The following SCMH1 variants were observed in gnomAD, a reference collection of about 807,000 sequenced individuals.
SCMH1 encodes the protein Scm polycomb group protein homolog 1.
Under a neutral mutation model 70.8 loss-of-function variants are expected in SCMH1, and 37 were observed. The ratio of observed to expected loss-of-function variants is 0.52; its 90% confidence interval spans 0.40 to 0.69. SCMH1 has a LOEUF of 0.69. SCMH1 is among the 30% of genes least tolerant of loss of function. The pLI is 0.00. For missense variants in SCMH1, 607 were observed against 827.3 expected (o/e 0.73, Z 3.27); for synonymous variants, 292 against 307.4 (o/e 0.95, Z 0.52).
chr1:41,174,801 A>T (rs1455086212), intron 2 of SCMH1, among the ~76,000 whole-genome samples: 1 of 152,196 alleles, frequency 6.6e-6, no homozygotes, highest in South Asian at 2.1e-4. Flanking sequence ...TATTGACTTT[A>T]TATCAATATT....
At chr1:41,234,765 C>T (rs551996328) in intron 1 of SCMH1, among the ~76,000 whole-genome samples, 28 of 151,846 alleles carry the variant, frequency 1.8e-4, no homozygotes, top group Middle Eastern at 3.2e-3. Context: ...TGAGCCACCG[C>T]GCCCGGCAAA....
At chr1:41,065,109 G>A (rs1221545573) in intron 10 of SCMH1, among the ~76,000 whole-genome samples, 1 of 152,172 alleles carries the variant, frequency 6.6e-6, no homozygotes, top group Admixed American at 6.5e-5. Context: ...AATTTTGTCA[G>A]GATGTCAGTT....
chr1:41,196,526 C>T (rs1653058569), intron 1 of SCMH1, among the ~76,000 whole-genome samples: 1 of 152,016 alleles, frequency 6.6e-6, no homozygotes, highest in Non-Finnish European at 1.5e-5. Flanking sequence ...TACCTTATAC[C>T]ATATACAAAA....
intron 7 of SCMH1, among the ~76,000 whole-genome samples, chr1:41,114,384 T>C (rs1451487025): frequency 6.6e-6 from 1 of 152,238 alleles, no homozygotes; most frequent in African/African-American, 2.4e-5. Context: ...TCTTACTATC[T>C]GATCCTGTAC....
intron 2 of SCMH1, among the ~76,000 whole-genome samples, chr1:41,182,765 GA>G (rs1238919819): frequency 1.3e-5 from 2 of 151,972 alleles, no homozygotes; most frequent in Non-Finnish European, 2.9e-5. Context: ...CTTCTAGGAA[GA>G]AATAGACTCT....
intron 1 of SCMH1, among the ~76,000 whole-genome samples, chr1:41,204,718 C>A (rs1191963033): frequency 6.6e-6 from 1 of 152,178 alleles, no homozygotes; most frequent in East Asian, 1.9e-4. Context: ...TTCTATCATA[C>A]CACTCTTAAT....
intron 10 of SCMH1, among the ~76,000 whole-genome samples, chr1:41,058,400 T>TTTTTTTTTTTTC (rs869062482): frequency 7.0e-6 from 1 of 142,428 alleles, no homozygotes; most frequent in Non-Finnish European, 1.5e-5. Flanking sequence ...TTTTTTTTTT[T>TTTTTTTTTTTTC]GAGACAGTCT....
At chr1:41,048,459 G>A (rs1459898777) in intron 11 of SCMH1, among the ~76,000 whole-genome samples, 1 of 152,270 alleles carries the variant, frequency 6.6e-6, no homozygotes, top group East Asian at 1.9e-4. Flanking sequence ...TAGATGGGGG[G>A]AATCAGTTTA....
chr1:41,103,042 T>C (rs1667012020), intron 8 of SCMH1, among the ~76,000 whole-genome samples: 1 of 152,166 alleles, frequency 6.6e-6, no homozygotes, highest in Non-Finnish European at 1.5e-5. Flanking sequence ...GTTTTGTTTT[T>C]TTTCTATTAA....
intron 1 of SCMH1, among the ~76,000 whole-genome samples, chr1:41,211,599 A>G (rs1023721438): frequency 3.3e-5 from 5 of 152,220 alleles, no homozygotes; most frequent in Admixed American, 3.3e-4. Context: ...ACTGTGGAAG[A>G]CAGTGTGGTG....
At chr1:41,030,816 G>C (rs1196491750) in intron 13 of SCMH1, among the ~76,000 whole-genome samples, 1 of 152,222 alleles carries the variant, frequency 6.6e-6, no homozygotes, top group African/African-American at 2.4e-5. Context: ...GTCTGCCACA[G>C]TAGATGTTCG....
Position 41,242,060 on chromosome 1 carries a change from T to G in SCMH1, c.-119A>C. 1 of 151,690 alleles carries G rather than the reference T, an allele frequency of 6.6e-6. No homozygotes were observed. The highest frequency in any genetic ancestry group is 1.8e-4 in the South Asian group (1 of 5,436). 9.4% of individuals were successfully genotyped at this position (151,690 alleles called of 1,614,324 possible). A position where few individuals can be genotyped will look rare whatever the true frequency, so the allele number is the denominator to read the frequency against. ...CGGAGGCGGCCGCGAGGCGCTTACCTGAGGGCGCGGCGGGGGCGCGGGGCG... is the reference window on the plus strand; with the variant it reads ...CGGAGGCGGCCGCGAGGCGCTTACCGGAGGGCGCGGCGGGGGCGCGGGGCG... On this transcript the variant is annotated splice_region_variant and 5_prime_UTR_variant, in exon 1 of 15. Coordinates refer to ENST00000337495, the Ensembl canonical transcript of SCMH1. The surrounding 1 kb of genome is among the most constrained non-coding windows in gnomAD (Gnocchi z 5.2).
chr1:41,122,945 C>T (rs1672298570), intron 6 of SCMH1, among the ~76,000 whole-genome samples: 1 of 152,138 alleles, frequency 6.6e-6, no homozygotes, highest in South Asian at 2.1e-4. Context: ...GCAGGCCGGG[C>T]ACAGTGGCTT....
intron 1 of SCMH1, among the ~76,000 whole-genome samples, chr1:41,231,841 C>T (rs922572665): frequency 1.3e-5 from 2 of 151,744 alleles, no homozygotes; most frequent in Admixed American, 6.6e-5. Context: ...GCCAACATAG[C>T]GAAACTCGGT....
Position 41,159,833 on chromosome 1 carries a change from G to C in SCMH1, c.106+1042C>G. On this transcript the variant is annotated intron_variant, in intron 4 of 14. Coordinates refer to ENST00000337495, the Ensembl canonical transcript of SCMH1. ...AGAGTAAAGTCTGAGTATAGCCGCTGAACAGAATGAAAATCATAATAATCC... is the reference window on the plus strand; with the variant it reads ...AGAGTAAAGTCTGAGTATAGCCGCTCAACAGAATGAAAATCATAATAATCC... The C allele has an allele frequency of 2.9e-6, 4 of 1,381,704 alleles. No individual in the cohort carries two copies. The South Asian group carries it at 7.6e-5, about 26-fold the overall frequency. 85.6% of individuals were successfully genotyped at this position (1,381,704 alleles called of 1,614,324 possible).
chr1:41,143,193 G>C, intron 5 of SCMH1, 81 bp from the exon 6 acceptor site: 1 of 1,031,370 alleles, frequency 9.7e-7, no homozygotes, highest in Non-Finnish European at 1.5e-6. Context: ...ATTGGTTATA[G>C]CTGGGCCAGG....
intron 1 of SCMH1, among the ~76,000 whole-genome samples, chr1:41,199,727 A>G (rs113509987): frequency 7.9e-5 from 11 of 139,334 alleles, no homozygotes; most frequent in African/African-American, 1.8e-4. Context: ...GGACTCCACA[A>G]TAGGGGGTGG....
chr1:41,208,374 T>C (rs1656105774), intron 1 of SCMH1, among the ~76,000 whole-genome samples: 1 of 141,092 alleles, frequency 7.1e-6, no homozygotes, highest in African/African-American at 2.7e-5. Flanking sequence ...CATGTATACA[T>C]ATGTAACTAA....
At chr1:41,147,731 T>C (rs1644714487) in intron 5 of SCMH1, among the ~76,000 whole-genome samples, 1 of 152,162 alleles carries the variant, frequency 6.6e-6, no homozygotes, top group Admixed American at 6.5e-5. Context: ...TCTGATTTCT[T>C]TATCATTATA....
Sources: allele counts gnomAD v4.1 joint callset (sites outside exome capture counted in the v4.1 genomes callset), GRCh38; gene constraint gnomAD v4.1.1; non-coding constraint Gnocchi (gnomAD v3.1); transcripts MANE v1.5; gene names NCBI Gene and HGNC (gene_info 2026-07-23, HGNC 2026-07-21).